The following DZIP1 variants were observed in gnomAD, a reference collection of about 807,000 sequenced individuals.
DZIP1 encodes DAZ interacting zinc finger protein 1, also known as cilium assembly protein DZIP1.
Under a neutral mutation model 107.6 loss-of-function variants are expected in DZIP1, and 97 were observed. The observed-to-expected ratio is 0.90, with a 90% CI of 0.77 to 1.07. DZIP1 has a LOEUF of 1.07. Among genes scored for constraint, DZIP1 ranks in the 50% least tolerant of loss-of-function variants. The pLI, the probability that DZIP1 is intolerant of heterozygous loss-of-function variation, is 0.00. For synonymous variants in DZIP1, 390 were observed against 386.4 expected, an observed-to-expected ratio of 1.01 and a Z score of -0.11; for missense variants, 1,035 against 1,063.6, an observed-to-expected ratio of 0.97 and a Z score of 0.37.
At chr13:95,624,518 T>C (rs1487276382) in intron 8 of DZIP1, among the ~76,000 whole-genome samples, 1 of 152,172 alleles carries the variant, frequency 6.6e-6, no homozygotes, top group Admixed American at 6.5e-5. Flanking sequence ...AGAGGGACCA[T>C]CATAGAAGAG....
At chr13:95,583,584 A>T (rs2044067247) in intron 22 of DZIP1, among the ~76,000 whole-genome samples, 1 of 152,218 alleles carries the variant, frequency 6.6e-6, no homozygotes. Flanking sequence ...TATTGGGCTT[A>T]TCTAGGCTCT....
intron 6 of DZIP1, chr13:95,630,930 T>A: frequency 3.2e-6 from 1 of 311,408 alleles, no homozygotes; most frequent in South Asian, 2.5e-5. Flanking sequence ...GAATGGTAGA[T>A]TAATTAAAAT....
intron 8 of DZIP1, among the ~76,000 whole-genome samples, chr13:95,622,887 C>T (rs910736607): frequency 1.3e-4 from 19 of 151,876 alleles, no homozygotes; most frequent in Non-Finnish European, 2.2e-4. Flanking sequence ...GGACTACAGG[C>T]GTGCACCACC....
rs1334446723 is a variant in DZIP1 at position 95,609,494 on chromosome 13, C to A, written c.1383G>T (p.Gln461His). The change falls in exon 13 of 23, where the codon CAG becomes CAT. Residue 461 changes from glutamine (Q) to histidine (H), a missense_variant. Physicochemically the swap from Gln to His is conservative, Grantham distance 24. Transcript: ENST00000376829. ...GAGCAGCTGGCTGAGATTCAAAAGCCTGCCAGGCTAAAGGATTTCCTGAAA... is the reference window on the plus strand; with the variant it reads ...GAGCAGCTGGCTGAGATTCAAAAGCATGCCAGGCTAAAGGATTTCCTGAAA... ...SEPKGNPLAW[Q>H]AFESQPAAPA... 1 of 1,588,174 alleles carries A rather than the reference C, an allele frequency of 6.3e-7. No homozygotes were observed. The highest frequency in any genetic ancestry group is 1.2e-5 in the South Asian group (1 of 86,022).
chr13:95,606,607 T>C (rs980031871), intron 13 of DZIP1, among the ~76,000 whole-genome samples: 1 of 152,248 alleles, frequency 6.6e-6, no homozygotes, highest in African/African-American at 2.4e-5. Context: ...CATTCTGTGT[T>C]ATAAACTGAC....
At chr13:95,639,886 C>A (rs1413999687) in intron 5 of DZIP1, among the ~76,000 whole-genome samples, 1 of 152,074 alleles carries the variant, frequency 6.6e-6, no homozygotes, top group African/African-American at 2.4e-5. Context: ...AAGCAATTAG[C>A]AATGCCCAGT....
chr13:95,589,092 T>A, intron 19 of DZIP1, 62 bp downstream of exon 19: 1 of 1,351,296 alleles, frequency 7.4e-7, no homozygotes, highest in Non-Finnish European at 1.0e-6. Context: ...TACTTTAAAA[T>A]GAAAGGAATG....
chr13:95,619,029 A>G (rs545031785), intron 10 of DZIP1, among the ~76,000 whole-genome samples: 12 of 152,338 alleles, frequency 7.9e-5, no homozygotes, highest in African/African-American at 2.9e-4. Flanking sequence ...AGCGATTTTA[A>G]TGTAAACAGT....
intron 9 of DZIP1, 34 bp downstream of exon 9, chr13:95,622,309 G>T: frequency 1.2e-6 from 2 of 1,613,222 alleles, no homozygotes; most frequent in Non-Finnish European, 8.5e-7. Flanking sequence ...AAAAAGGAAG[G>T]CATCCACTGC....
At chr13:95,635,225 C>T (rs564808354) in intron 5 of DZIP1, among the ~76,000 whole-genome samples, 402 of 143,576 alleles carry the variant, frequency 2.8e-3, no homozygotes, top group Non-Finnish European at 4.0e-3. Flanking sequence ...TTTTAAGTGT[C>T]TCCCTCTGTC....
At chr13:95,626,859 A>T (rs1594723853) in intron 7 of DZIP1, among the ~76,000 whole-genome samples, 2 of 152,324 alleles carry the variant, frequency 1.3e-5, no homozygotes, top group South Asian at 2.1e-4. Flanking sequence ...TGTTGTAAAA[A>T]TTGAAGAACA....
At chr13:95,639,099 T>G (rs1429420536) in intron 5 of DZIP1, among the ~76,000 whole-genome samples, 1 of 152,190 alleles carries the variant, frequency 6.6e-6, no homozygotes, top group African/African-American at 2.4e-5. Context: ...GCACAGTCTA[T>G]GCACTAAGTC....
At position 95,584,906 on chromosome 13, in the gene DZIP1, G is replaced by T. The variant is rs138276983; in HGVS notation, c.2354C>A (p.Ala785Glu). Residue 785 changes from alanine to glutamate, a missense_variant, in exon 22 of 23, where the codon GCG becomes GAG. By Grantham distance (107) the Ala-to-Glu change is moderately radical. Transcript: ENST00000376829. ...KKEELQELKC[A>E]DVEDEDWDIS... ...GTCCCAGTCTTCATCCTCCACATCC[G>T]CACACTAAAAGAAAGGCATGGAGAA... The T allele has an allele frequency of 1.2e-6, 2 of 1,607,994 alleles. No homozygotes were observed. The highest frequency in any genetic ancestry group is 1.3e-5 in the African/African-American group (1 of 74,436).
At position 95,611,447 on chromosome 13, in the gene DZIP1, T is replaced by C; in HGVS notation, c.1361A>G (p.Lys454Arg). The change falls in exon 12 of 23, where the codon AAA becomes AGA. Residue 454 changes from lysine to arginine, a missense_variant and splice_region_variant. Physicochemically the swap from Lys to Arg is conservative, Grantham distance 26. Coordinates refer to ENST00000376829, the MANE Select transcript of DZIP1 (RefSeq NM_198968.4). ...GTACCGGGATCCCATCCACTTACCT[T>C]TGGGTTCACTGATACTGTTTAATGG... ...CNPLNSISEP[K>R]GNPLAWQAFE... is the part of the protein sequence containing the mutation. 1 of 1,613,526 alleles carries C rather than the reference T, an allele frequency of 6.2e-7. No individual in the cohort carries two copies.
intron 9 of DZIP1, among the ~76,000 whole-genome samples, chr13:95,620,312 C>T (rs1405743490): frequency 1.3e-5 from 2 of 152,166 alleles, no homozygotes; most frequent in African/African-American, 4.8e-5. Context: ...TTTCCTGAGG[C>T]CTCTCCAGCC....
chr13:95,625,768 T>A (rs568708973), intron 7 of DZIP1, among the ~76,000 whole-genome samples: 33 of 152,126 alleles, frequency 2.2e-4, no homozygotes, highest in African/African-American at 7.2e-4. Context: ...ATACCAAGAT[T>A]CATGAGATGC....
In DZIP1 at chr13:95,582,557, C is replaced by G. The variant is rs144774463; in HGVS notation, c.2525-244G>C. On this transcript the variant is annotated intron_variant, in intron 22 of 22. Transcript: ENST00000376829. Reference sequence around the variant, plus strand: ...TGGATGCAAGCTTCTGCCCTGCAGCCTACAAACAGCAGGGACCACATCCTG... The same window carrying G: ...TGGATGCAAGCTTCTGCCCTGCAGCGTACAAACAGCAGGGACCACATCCTG... Among the ~76,000 whole-genome samples the G allele has an allele frequency of 3.3e-5, 5 of 152,248 alleles. No homozygotes were observed. The East Asian group carries it at 9.7e-4, about 29-fold the overall frequency.
chr13:95,589,346 G>A (rs2138809986), intron 18 of DZIP1, 139 bp from the exon 19 acceptor site: 2 of 657,906 alleles, frequency 3.0e-6, no homozygotes, highest in Non-Finnish European at 5.3e-6. Context: ...CCCAGCGTCA[G>A]TTAGAGACTG....
intron 10 of DZIP1, among the ~76,000 whole-genome samples, chr13:95,613,873 T>C (rs1488080367): frequency 6.6e-6 from 1 of 152,136 alleles, no homozygotes; most frequent in South Asian, 2.1e-4. Flanking sequence ...TCAAAGTCAG[T>C]GCTCTTTCGG....
Sources: allele counts gnomAD v4.1 joint callset (sites outside exome capture counted in the v4.1 genomes callset), GRCh38; gene constraint gnomAD v4.1.1; transcripts MANE v1.5; gene names NCBI Gene and HGNC (gene_info 2026-07-23, HGNC 2026-07-21).